The following NAP1L1 variants were observed in gnomAD, a reference collection of about 807,000 sequenced individuals.
NAP1L1 encodes nucleosome assembly protein 1-like 1.
In NAP1L1, 9 loss-of-function variants were observed where a neutral mutation model predicts 58.9. The observed-to-expected ratio is 0.15, with a 90% CI of 0.09 to 0.27. The LOEUF (loss-of-function observed/expected upper bound fraction) is 0.27. Ranked by LOEUF, NAP1L1 falls within the 10% of genes least tolerant of loss-of-function variation. The probability of loss-of-function intolerance (pLI) is 1.00; values close to 1 mark genes in which losing one functional copy is unlikely to be tolerated. For missense variants in NAP1L1, 302 were observed against 458.8 expected, an observed-to-expected ratio of 0.66 and a Z score of 3.12; for synonymous variants, 130 against 138.3, an observed-to-expected ratio of 0.94 and a Z score of 0.42.
At chr12:76,080,978 C>T (rs772869999) in intron 1 of NAP1L1, among the ~76,000 whole-genome samples, 1 of 152,204 alleles carries the variant, frequency 6.6e-6, no homozygotes, top group African/African-American at 2.4e-5. Flanking sequence ...ATACCCTGTA[C>T]TGCCTTGGGA....
At chr12:76,058,871 T>C (rs1949271586) in intron 6 of NAP1L1, among the ~76,000 whole-genome samples, 1 of 152,230 alleles carries the variant, frequency 6.6e-6, no homozygotes, top group African/African-American at 2.4e-5. Context: ...GAATCTAATA[T>C]ATCTGTGGTT....
chr12:76,078,025 G>GT (rs143956947), intron 1 of NAP1L1, among the ~76,000 whole-genome samples: 2,606 of 142,194 alleles, frequency 0.018, 100 homozygotes, highest in African/African-American at 0.064. Flanking sequence ...AAGTACAGAT[G>GT]TTTTTTAACA....
chr12:76,054,459 T>A (rs908566570), intron 8 of NAP1L1, among the ~76,000 whole-genome samples: 1 of 152,240 alleles, frequency 6.6e-6, no homozygotes, highest in Admixed American at 6.5e-5. Flanking sequence ...TTACATCTAT[T>A]AAATAATTAA....
Position 76,038,417 on chromosome 12 carries a change from A to C in NAP1L1, c.*10012T>G, listed in dbSNP as rs1592592971. 1 of 152,228 alleles carries C rather than the reference A, an allele frequency of 6.6e-6. No homozygotes were observed. Among genetic ancestry groups the C allele is most frequent in the Non-Finnish European group, 1.5e-5 (1 of 68,042 alleles). The allele number at this position is 152,228 out of a possible 1,614,324, so 9.4% of individuals were successfully genotyped here. On this transcript the variant is annotated 3_prime_UTR_variant, in exon 15 of 15. Transcript: ENST00000618691. Reference sequence around the variant, plus strand: ...ATTTTTCCATTGCCACAAAACACACAGCCTGAGGACATAGGCTGTTCAATT... The same window carrying C: ...ATTTTTCCATTGCCACAAAACACACCGCCTGAGGACATAGGCTGTTCAATT...
intron 4 of NAP1L1, among the ~76,000 whole-genome samples, chr12:76,062,154 C>A (rs1189374941): frequency 6.6e-6 from 1 of 152,154 alleles, no homozygotes; most frequent in Non-Finnish European, 1.5e-5. Context: ...GAGCCCAATG[C>A]GAGGGTTGAT....
chr12:76,059,050 T>A (rs913255799), intron 6 of NAP1L1, among the ~76,000 whole-genome samples: 10 of 152,154 alleles, frequency 6.6e-5, no homozygotes, highest in African/African-American at 2.4e-4. Flanking sequence ...TTAGAAGACA[T>A]TAGAAGAAAC....
intron 11 of NAP1L1, among the ~76,000 whole-genome samples, chr12:76,052,651 GGCAGGAACATTTCATGTTCT>G (rs1431933073): frequency 6.6e-6 from 1 of 152,070 alleles, no homozygotes; most frequent in East Asian, 1.9e-4. Context: ...CAGTCTATAT[GGCAGGAACATTTCATGTTCT>G]TTGCCATATG....
At chr12:76,059,908 TA>T (rs762748479) in intron 5 of NAP1L1, 30 bp from the exon 6 acceptor site, 13 of 1,504,928 alleles carry the variant, frequency 8.6e-6, no homozygotes, top group Non-Finnish European at 1.1e-5. Context: ...AAAGGCTGTA[TA>T]AAAACACTGG....
intron 11 of NAP1L1, among the ~76,000 whole-genome samples, chr12:76,051,416 A>C (rs1948823305): frequency 1.3e-5 from 2 of 152,228 alleles, no homozygotes; most frequent in African/African-American, 4.8e-5. Context: ...CATAATAAAC[A>C]ACCACAGAGG....
intron 1 of NAP1L1, among the ~76,000 whole-genome samples, chr12:76,083,076 G>A (rs1950468596): frequency 6.6e-6 from 1 of 152,048 alleles, no homozygotes; most frequent in Non-Finnish European, 1.5e-5. Flanking sequence ...GACATCCTGC[G>A]CCTGGTTCAT....
In NAP1L1 at chr12:76,042,509, G is replaced by A. The variant is rs547452366; in HGVS notation, c.*5920C>T. 116 of 152,324 alleles carry A rather than the reference G, an allele frequency of 7.6e-4. No individual in the cohort carries two copies. Among genetic ancestry groups the A allele is most frequent in the African/African-American group, 2.6e-3 (108 of 41,578 alleles). The allele number at this position is 152,324 out of a possible 1,614,324, so 9.4% of individuals were successfully genotyped here. A position where few individuals can be genotyped will look rare whatever the true frequency, so the allele number is the denominator to read the frequency against. On this transcript the variant is annotated 3_prime_UTR_variant, in exon 15 of 15. Coordinates refer to ENST00000618691, the MANE Select transcript of NAP1L1 (RefSeq NM_004537.7). ...GCTGAAAAGTTTTAGTCTAAAATTAGATCTCCATTTTTATTCATGGATTCT... is the reference window on the plus strand; with the variant it reads ...GCTGAAAAGTTTTAGTCTAAAATTAAATCTCCATTTTTATTCATGGATTCT...
chr12:76,054,583 C>T (rs1381566640), intron 8 of NAP1L1, among the ~76,000 whole-genome samples: 2 of 152,132 alleles, frequency 1.3e-5, no homozygotes, highest in African/African-American at 4.8e-5. Context: ...GTGAACTTGA[C>T]ACAGAAAAAG....
At position 76,062,466 on chromosome 12, in the gene NAP1L1, G is replaced by A. The variant is rs540889562; in HGVS notation, c.207-2187C>T. ...CTTCAAGGGTACAATTTCTATGAAA[G>A]AGTGAATGAAATGATTATCATCTGA... is the stretch of plus-strand genomic sequence containing the variant. On this transcript the variant is annotated intron_variant, in intron 4 of 14. Transcript: ENST00000618691. Among the ~76,000 whole-genome samples, 144 of 152,270 alleles carry A rather than the reference G, an allele frequency of 9.5e-4. No homozygotes were observed. In the Middle Eastern group the frequency reaches 0.01, roughly 11 times the overall value.
rs2136973380 is a variant in NAP1L1, at chr12:76,053,306, G to C, written c.815C>G (p.Thr272Ser). The C allele has an allele frequency of 6.2e-7, 1 of 1,613,922 alleles. No individual in the cohort carries two copies. Among genetic ancestry groups the C allele is most frequent in the Middle Eastern group, 1.7e-4 (1 of 6,050 alleles). Residue 272 changes from threonine to serine, a missense_variant, in exon 10 of 15, where the codon ACT (threonine) becomes AGT (serine). Coordinates refer to ENST00000618691, the MANE Select transcript of NAP1L1 (RefSeq NM_004537.7). ...WKKGKNVTLKTIKKKQKHKGR... is the reference protein window; with the variant it reads ...WKKGKNVTLKSIKKKQKHKGR... ...CTTGTGTTTCTGCTTCTTCTTAATAGTTTTCAAAGTGACATTCTTTCCTTT... is the reference window on the plus strand; with the variant it reads ...CTTGTGTTTCTGCTTCTTCTTAATACTTTTCAAAGTGACATTCTTTCCTTT...
At chr12:76,049,405 A>C in intron 13 of NAP1L1, 155 bp from the exon 14 acceptor site, 1 of 1,534,668 alleles carries the variant, frequency 6.5e-7, no homozygotes, top group Non-Finnish European at 8.7e-7. Context: ...GAAAGCTTCT[A>C]ATATGAAAAA....
intron 6 of NAP1L1, among the ~76,000 whole-genome samples, chr12:76,058,608 G>A (rs1295442899): frequency 3.3e-5 from 5 of 152,058 alleles, no homozygotes; most frequent in South Asian, 4.2e-4. Flanking sequence ...GGCTGGTCTC[G>A]AACTCCTGAC....
intron 12 of NAP1L1, 120 bp from the exon 13 acceptor site, chr12:76,049,905 A>G: frequency 9.7e-7 from 1 of 1,027,284 alleles, no homozygotes; most frequent in Middle Eastern, 2.3e-4. Flanking sequence ...CTTTCCTATC[A>G]AGGGGCTGAT....
chr12:76,059,307 C>A (rs1443118964), intron 6 of NAP1L1, among the ~76,000 whole-genome samples: 1 of 152,202 alleles, frequency 6.6e-6, no homozygotes, highest in Non-Finnish European at 1.5e-5. Flanking sequence ...GACATTTAAT[C>A]ATCATCGTTC....
At position 76,053,198 on chromosome 12, in the gene NAP1L1, T is replaced by C. The variant is rs983623127; in HGVS notation, c.916+7A>G. 1.1e-5 allele frequency: 18 copies of C among 1,613,574 alleles called. No homozygotes were observed. The highest frequency in any genetic ancestry group is 1.5e-5 in the Non-Finnish European group (18 of 1,179,772). ...ACCGTTAATACTCAAGCTAAAACATTATTTACCTTCAGGAGGGGCAAAAAA... is the reference window on the plus strand; with the variant it reads ...ACCGTTAATACTCAAGCTAAAACATCATTTACCTTCAGGAGGGGCAAAAAA... On this transcript the variant is annotated splice_region_variant and intron_variant, in intron 10 of 14. Coordinates refer to ENST00000618691, the MANE Select transcript of NAP1L1 (RefSeq NM_004537.7).
Sources: allele counts gnomAD v4.1 joint callset (sites outside exome capture counted in the v4.1 genomes callset), GRCh38; gene constraint gnomAD v4.1.1; transcripts MANE v1.5; gene names NCBI Gene and HGNC (gene_info 2026-07-23, HGNC 2026-07-21).